Variants in NR3C1 observed in about 807,000 individuals in gnomAD.
NR3C1 encodes the protein glucocorticoid receptor.
Under a neutral mutation model 74.0 loss-of-function variants are expected in NR3C1, and 14 were observed. That is an observed-to-expected ratio of 0.19 (90% CI 0.12 to 0.30). The LOEUF (loss-of-function observed/expected upper bound fraction) is 0.30. Ranked by LOEUF, NR3C1 falls within the 10% of genes least tolerant of loss-of-function variation. The pLI is 1.00. For synonymous variants in NR3C1, 308 were observed against 332.5 expected, an observed-to-expected ratio of 0.93 and a Z score of 0.80; for missense variants, 695 against 909.8, an observed-to-expected ratio of 0.76 and a Z score of 3.04.
At position 143,284,329 on chromosome 5, in the gene NR3C1, G is replaced by A. The variant is rs140947830; in HGVS notation, c.2024-1604C>T. ...TTCCTGCTCTTTTTCATTGGATTATGATTAGAATTAGACTAATGAATATGT... is the reference window on the plus strand; with the variant it reads ...TTCCTGCTCTTTTTCATTGGATTATAATTAGAATTAGACTAATGAATATGT... On this transcript the variant is annotated intron_variant, in intron 7 of 8. Coordinates refer to ENST00000394464, the MANE Select transcript of NR3C1 (RefSeq NM_000176.3). Among the ~76,000 whole-genome samples, 156 of 152,224 alleles carry A rather than the reference G, an allele frequency of 1.0e-3. 3 individuals are homozygous for A. The East Asian group carries it at 0.022, about 22-fold the overall frequency.
At chr5:143,433,179 G>T (rs1401030464) in intron 1 of NR3C1, among the ~76,000 whole-genome samples, 1 of 151,914 alleles carries the variant, frequency 6.6e-6, no homozygotes, top group East Asian at 1.9e-4. Context: ...CAACTCAACT[G>T]ACTCATGAAG....
chr5:143,351,971 A>G (rs1241980216), intron 2 of NR3C1, among the ~76,000 whole-genome samples: 1 of 152,206 alleles, frequency 6.6e-6, no homozygotes, highest in Non-Finnish European at 1.5e-5. Flanking sequence ...ACCTATAACA[A>G]ATTTAAGAGA....
chr5:143,429,864 G>C (rs1751721288), intron 1 of NR3C1, among the ~76,000 whole-genome samples: 1 of 152,094 alleles, frequency 6.6e-6, no homozygotes. Flanking sequence ...CAGATCACCT[G>C]AGGTCAGGAG....
At chr5:143,431,543 G>A (rs1452339475) in intron 1 of NR3C1, among the ~76,000 whole-genome samples, 3 of 152,092 alleles carry the variant, frequency 2.0e-5, no homozygotes, top group East Asian at 3.8e-4. Context: ...AATACCTAAT[G>A]CATGCGAGGC....
intron 3 of NR3C1, 95 bp downstream of exon 3, chr5:143,313,907 T>G (rs1447216720): frequency 2.9e-6 from 4 of 1,366,480 alleles, no homozygotes; most frequent in Non-Finnish European, 4.2e-6. Flanking sequence ...ATATTTAGCC[T>G]TTCATGGGCT....
chr5:143,357,666 T>C (rs1040120540), intron 2 of NR3C1, among the ~76,000 whole-genome samples: 1 of 152,232 alleles, frequency 6.6e-6, no homozygotes, highest in African/African-American at 2.4e-5. Context: ...ACTCACTTTT[T>C]CTTTTTATGT....
At chr5:143,385,780 AG>A (rs1448768546) in intron 2 of NR3C1, among the ~76,000 whole-genome samples, 1 of 152,214 alleles carries the variant, frequency 6.6e-6, no homozygotes, top group South Asian at 2.1e-4. Context: ...ACATGTCTCT[AG>A]GAAGTTCCAA....
intron 2 of NR3C1, among the ~76,000 whole-genome samples, chr5:143,398,725 T>C (rs1839709030): frequency 6.6e-6 from 1 of 152,104 alleles, no homozygotes; most frequent in Admixed American, 6.5e-5. Context: ...TTTATCTGAA[T>C]TGGGGATGAG....
intron 2 of NR3C1, among the ~76,000 whole-genome samples, chr5:143,392,702 T>C (rs1451289227): frequency 6.6e-6 from 1 of 152,168 alleles, no homozygotes; most frequent in Non-Finnish European, 1.5e-5. Context: ...GTGCTTAGCA[T>C]AGTGCTGTCA....
intron 2 of NR3C1, among the ~76,000 whole-genome samples, chr5:143,322,226 G>GC (rs1296763940): frequency 6.6e-6 from 1 of 152,190 alleles, no homozygotes; most frequent in Non-Finnish European, 1.5e-5. Flanking sequence ...AAGTTGAGTT[G>GC]CCTAAAGTGA....
chr5:143,308,724 G>C (rs1488855705), intron 4 of NR3C1, among the ~76,000 whole-genome samples: 1 of 152,186 alleles, frequency 6.6e-6, no homozygotes, highest in Non-Finnish European at 1.5e-5. Context: ...CCTTCCTCTT[G>C]TTCCTGTGGC....
intron 6 of NR3C1, 37 bp downstream of exon 6, chr5:143,298,631 C>T (rs1269966755): frequency 6.2e-7 from 1 of 1,602,072 alleles, no homozygotes; most frequent in Admixed American, 1.7e-5. Flanking sequence ...TAAAGATACC[C>T]TATGAATACA....
intron 2 of NR3C1, among the ~76,000 whole-genome samples, chr5:143,345,036 C>T (rs368340070): frequency 9.9e-5 from 15 of 152,206 alleles, no homozygotes; most frequent in East Asian, 9.6e-4. Context: ...GTGTGTGATA[C>T]GGTAACTGGC....
At chr5:143,336,346 A>G (rs111422537) in intron 2 of NR3C1, among the ~76,000 whole-genome samples, 1 of 152,220 alleles carries the variant, frequency 6.6e-6, no homozygotes, top group African/African-American at 2.4e-5. Context: ...CAAACCCAGT[A>G]TATGTTTTTA....
intron 7 of NR3C1, among the ~76,000 whole-genome samples, chr5:143,287,704 G>C (rs1814814707): frequency 6.6e-6 from 1 of 152,088 alleles, no homozygotes; most frequent in African/African-American, 2.4e-5. Context: ...CACAAGAAAA[G>C]AAAGTTGTAG....
intron 1 of NR3C1, among the ~76,000 whole-genome samples, chr5:143,431,497 G>C (rs1217291325): frequency 6.6e-6 from 1 of 152,024 alleles, no homozygotes; most frequent in African/African-American, 2.4e-5. Context: ...GGCCTGTCAG[G>C]GGGTGGGGGG....
At chr5:143,360,213 C>G (rs2151818106) in intron 2 of NR3C1, among the ~76,000 whole-genome samples, 1 of 152,286 alleles carries the variant, frequency 6.6e-6, no homozygotes, top group East Asian at 1.9e-4. Flanking sequence ...TTTCATAGCA[C>G]AGTATTTGAT....
intron 7 of NR3C1, among the ~76,000 whole-genome samples, chr5:143,287,694 C>CA (rs1183116316): frequency 6.6e-6 from 1 of 151,994 alleles, no homozygotes; most frequent in Admixed American, 6.6e-5. Context: ...AAAAAGATAT[C>CA]ACAAGAAAAG....
At chr5:143,289,360 A>G (rs1476075043) in intron 7 of NR3C1, among the ~76,000 whole-genome samples, 1 of 152,232 alleles carries the variant, frequency 6.6e-6, no homozygotes, top group Non-Finnish European at 1.5e-5. Context: ...GGGAAAAGAG[A>G]GTCAAGTTCT....
Sources: allele counts gnomAD v4.1 joint callset (sites outside exome capture counted in the v4.1 genomes callset), GRCh38; gene constraint gnomAD v4.1.1; transcripts MANE v1.5; gene names NCBI Gene and HGNC (gene_info 2026-07-23, HGNC 2026-07-21).